Variants in SPINK8 observed in about 807,000 individuals in gnomAD.
The protein encoded by SPINK8 is serine peptidase inhibitor Kazal type 8 (putative).
A neutral mutation model predicts 14.4 loss-of-function variants in SPINK8; 12 were observed. The ratio of observed to expected loss-of-function variants is 0.83; its 90% CI spans 0.53 to 1.35. The LOEUF (loss-of-function observed/expected upper bound fraction) is 1.35, where lower values mean the gene tolerates loss of function less well. Ranked by LOEUF, SPINK8 falls within the 40% of genes most tolerant of loss-of-function variation. The pLI is 0.00. For synonymous variants in SPINK8, 32 were observed against 37.6 expected (o/e 0.85, Z 0.55); for missense variants, 103 against 117.0 (o/e 0.88, Z 0.55).
At chr3:48,321,129 GA>G in intron 4 of SPINK8, 55 bp from the exon 5 acceptor site, 6 of 1,523,658 alleles carry the variant, frequency 3.9e-6, no homozygotes, top group South Asian at 3.7e-5. Context: ...TGCCCTCAGC[GA>G]AAAAGGTAAG....
At chr3:48,314,013 A>G (rs1159276077) in intron 6 of SPINK8, among the ~76,000 whole-genome samples, 1 of 152,198 alleles carries the variant, frequency 6.6e-6, no homozygotes, top group Non-Finnish European at 1.5e-5. Context: ...GGAGTGACAA[A>G]AATGTTTTGA....
intron 6 of SPINK8, among the ~76,000 whole-genome samples, chr3:48,312,784 G>A (rs564203222): frequency 1.3e-5 from 2 of 152,078 alleles, no homozygotes; most frequent in Non-Finnish European, 2.9e-5. Flanking sequence ...GGATCACAAG[G>A]TCAGAAGTTC....
chr3:48,327,662 A>G (rs2036165049), intron 4 of SPINK8, among the ~76,000 whole-genome samples: 1 of 152,082 alleles, frequency 6.6e-6, no homozygotes, highest in Non-Finnish European at 1.5e-5. Context: ...AGGGGAGGAG[A>G]GGGACCAGGC....
chr3:48,329,167 A>G lies in SPINK8; in HGVS notation c.-28T>C, dbSNP rs768783509. On this transcript the variant is annotated 5_prime_UTR_variant, in exon 3 of 8. An upstream start codon of the reference 5' UTR is lost. Transcript: ENST00000434006. The stretch of plus-strand genomic sequence containing the variant: ...GTCCACTTTACCTGCTGTGACTCCC[A>G]TGGTTGCTCTGAGAAACTGGCTGAA... Among the ~76,000 whole-genome samples the G allele has an allele frequency of 7.4e-4, 112 of 152,222 alleles. No individual in the cohort carries two copies. Among genetic ancestry groups the G allele is most frequent in the Non-Finnish European group, 1.2e-3 (82 of 68,028 alleles).
chr3:48,318,456 A>G (rs908511632), intron 6 of SPINK8, among the ~76,000 whole-genome samples: 17 of 152,188 alleles, frequency 1.1e-4, no homozygotes, highest in Non-Finnish European at 2.2e-4. Flanking sequence ...AATTTCTAAG[A>G]TACACTGAAA....
At chr3:48,332,132 A>C (rs2036272720) in intron 2 of SPINK8, among the ~76,000 whole-genome samples, 1 of 152,216 alleles carries the variant, frequency 6.6e-6, no homozygotes, top group African/African-American at 2.4e-5. Context: ...TCAAATCCCT[A>C]TTAGGCATTC....
intron 5 of SPINK8, 81 bp from the exon 6 acceptor site, chr3:48,319,699 G>A: frequency 6.4e-7 from 1 of 1,568,786 alleles, no homozygotes; most frequent in Non-Finnish European, 8.7e-7. Context: ...TTGGGAGGTG[G>A]ATGGAATACG....
intron 6 of SPINK8, among the ~76,000 whole-genome samples, chr3:48,318,763 G>A (rs372761388): frequency 6.6e-6 from 1 of 152,230 alleles, no homozygotes; most frequent in African/African-American, 2.4e-5. Flanking sequence ...AGAAGAGGAA[G>A]GGGAGAGAGA....
chr3:48,317,747 C>A (rs562356125), intron 6 of SPINK8, among the ~76,000 whole-genome samples: 2 of 151,440 alleles, frequency 1.3e-5, no homozygotes, highest in East Asian at 3.9e-4. Context: ...TATCTCCTGA[C>A]CTCCTGATCT....
At chr3:48,319,679 T>C (rs1433301193) in intron 5 of SPINK8, 61 bp from the exon 6 acceptor site, 7 of 1,605,122 alleles carry the variant, frequency 4.4e-6, no homozygotes, top group Non-Finnish European at 8.5e-7. Flanking sequence ...TGGCCGTTAT[T>C]ATGTATAGCT....
At chr3:48,307,408 CT>C (rs1481010501) in intron 7 of SPINK8, among the ~76,000 whole-genome samples, 1 of 151,006 alleles carries the variant, frequency 6.6e-6, no homozygotes, top group Non-Finnish European at 1.5e-5. Context: ...TTCCTTCCTT[CT>C]TTCCTTCCTT....
chr3:48,325,799 A>G (rs1030812195), intron 4 of SPINK8, among the ~76,000 whole-genome samples: 8 of 151,738 alleles, frequency 5.3e-5, no homozygotes, highest in Non-Finnish European at 1.0e-4. Flanking sequence ...GGTTTCTCCA[A>G]GTTGGTCAGG....
intron 4 of SPINK8, among the ~76,000 whole-genome samples, chr3:48,322,942 A>G (rs2036094497): frequency 6.6e-6 from 1 of 152,182 alleles, no homozygotes; most frequent in Non-Finnish European, 1.5e-5. Flanking sequence ...CCTTAAGTAT[A>G]TACAAAGTGT....
chr3:48,319,519 AG>A lies in SPINK8; in HGVS notation c.216del (p.Cys73AlafsTer14), dbSNP rs762174368. Reference sequence around the variant, plus strand: ...TACAGAATTTTGGAGCACAGATGGCAGTCACTACTGTAGGTAACCTGGTCAC... The same window carrying A: ...TACAGAATTTTGGAGCACAGATGGCATCACTACTGTAGGTAACCTGGTCAC... Reference protein sequence around the residue: ...CGSDQVTYSSDCHLCSKILFE... With the variant: ...CGSDQVTYSSXCHLCSKILFE... On this transcript the variant is annotated frameshift_variant, in exon 6 of 8. Coordinates refer to ENST00000434006, the MANE Select transcript of SPINK8 (RefSeq NM_001080525.3). LOFTEE classifies it high-confidence loss of function. 2 of 1,613,880 alleles carry A rather than the reference AG, an allele frequency of 1.2e-6. No homozygotes were observed. Among genetic ancestry groups the A allele is most frequent in the African/African-American group, 2.7e-5 (2 of 74,934 alleles).
chr3:48,323,205 C>T (rs915186362), intron 4 of SPINK8, among the ~76,000 whole-genome samples: 16 of 151,998 alleles, frequency 1.1e-4, no homozygotes, highest in Admixed American at 4.6e-4. Flanking sequence ...AGTGCAGTGG[C>T]GTGATCTCTG....
chr3:48,307,855 G>A (rs1380458697), intron 7 of SPINK8, among the ~76,000 whole-genome samples: 1 of 151,402 alleles, frequency 6.6e-6, no homozygotes, highest in African/African-American at 2.4e-5. Context: ...TTCTGTACTT[G>A]GGATACCTGG....
intron 6 of SPINK8, 47 bp from the exon 7 acceptor site, chr3:48,309,993 A>T: frequency 7.5e-7 from 1 of 1,331,722 alleles, no homozygotes; most frequent in Non-Finnish European, 9.7e-7. Context: ...ATGGTATATC[A>T]TAAATTCTGA....
At chr3:48,315,867 T>C (rs751308130) in intron 6 of SPINK8, among the ~76,000 whole-genome samples, 36 of 151,900 alleles carry the variant, frequency 2.4e-4, no homozygotes, top group Non-Finnish European at 4.7e-4. Flanking sequence ...GAATAAAAAT[T>C]CTAAAGTTGA....
At chr3:48,321,853 C>A (rs2036080587) in intron 4 of SPINK8, among the ~76,000 whole-genome samples, 1 of 151,884 alleles carries the variant, frequency 6.6e-6, no homozygotes, top group Admixed American at 6.6e-5. Flanking sequence ...TGCTCTGTCA[C>A]CCAGGCTGGA....
Sources: allele counts gnomAD v4.1 joint callset (sites outside exome capture counted in the v4.1 genomes callset), GRCh38; gene constraint gnomAD v4.1.1; transcripts MANE v1.5; gene names NCBI Gene and HGNC (gene_info 2026-07-23, HGNC 2026-07-21).